TTC1: variants seen among roughly 807,000 people sequenced by gnomAD.
TTC1 encodes the protein tetratricopeptide repeat protein 1.
A neutral mutation model predicts 37.6 loss-of-function variants in TTC1; 31 were observed. The ratio of observed to expected loss-of-function variants is 0.82; its 90% CI spans 0.62 to 1.11. The LOEUF (loss-of-function observed/expected upper bound fraction) is 1.11, where lower values mean the gene tolerates loss of function less well. Among genes scored for constraint, TTC1 ranks in the 50% most tolerant of loss-of-function variants. The probability of loss-of-function intolerance (pLI) is 0.00; values close to 1 mark genes in which losing one functional copy is unlikely to be tolerated. For synonymous variants in TTC1, 127 were observed against 122.4 expected, an observed-to-expected ratio of 1.04 and a Z score of -0.25; for missense variants, 351 against 339.0, an observed-to-expected ratio of 1.04 and a Z score of -0.28.
At chr5:160,053,626 T>C (rs1183118868) in intron 7 of TTC1, among the ~76,000 whole-genome samples, 1 of 152,176 alleles carries the variant, frequency 6.6e-6, no homozygotes. Context: ...TTTTGTTCTT[T>C]TTATTCAGGA....
At chr5:160,059,282 T>C (rs1451026374) in intron 7 of TTC1, among the ~76,000 whole-genome samples, 1 of 152,266 alleles carries the variant, frequency 6.6e-6, no homozygotes, top group African/African-American at 2.4e-5. Flanking sequence ...GCAGCTTCTA[T>C]GTCAGCCTTT....
chr5:160,061,569 C>T (rs966756381), intron 7 of TTC1, among the ~76,000 whole-genome samples: 3 of 152,072 alleles, frequency 2.0e-5, no homozygotes, highest in Non-Finnish European at 2.9e-5. Flanking sequence ...AACGCAGAGA[C>T]TATTTATTTG....
intron 5 of TTC1, 71 bp from the exon 6 acceptor site, chr5:160,049,443 G>T: frequency 7.5e-7 from 1 of 1,324,920 alleles, no homozygotes. Context: ...ATTGATGAAG[G>T]AATCTGATAT....
At chr5:160,017,492 C>T (rs981973560) in intron 2 of TTC1, among the ~76,000 whole-genome samples, 1 of 152,158 alleles carries the variant, frequency 6.6e-6, no homozygotes, top group African/African-American at 2.4e-5. Context: ...CAAAAGGACG[C>T]ACCTCTTAAT....
chr5:160,026,124 A>T (rs1756799890), intron 2 of TTC1, among the ~76,000 whole-genome samples: 1 of 152,220 alleles, frequency 6.6e-6, no homozygotes, highest in African/African-American at 2.4e-5. Context: ...TAAAGGTTGC[A>T]AGCATACATT....
chr5:160,038,086 G>T (rs368894397), intron 4 of TTC1, among the ~76,000 whole-genome samples: 2 of 144,794 alleles, frequency 1.4e-5, no homozygotes, highest in East Asian at 2.0e-4. Flanking sequence ...AAAGGTTACG[G>T]TTTTTTTTTT....
At chr5:160,061,818 T>G (rs1365816506) in intron 7 of TTC1, 1 of 152,162 alleles carries the variant, frequency 6.6e-6, no homozygotes, top group Non-Finnish European at 1.5e-5. Flanking sequence ...TACAAGAGAT[T>G]TACTGGGGGA....
intron 4 of TTC1, among the ~76,000 whole-genome samples, chr5:160,040,928 C>A (rs933169754): frequency 1.3e-5 from 2 of 151,452 alleles, no homozygotes; most frequent in Non-Finnish European, 2.9e-5. Context: ...ATTCTATATA[C>A]TTTTTTCTAT....
chr5:160,018,799 A>G lies in TTC1; in HGVS notation c.330+7941A>G, dbSNP rs79197708. ...GACATGAATAGAACATTTGAGCCCA[A>G]TTAGGCTCTAATGCAGTAGCCCAGT... On this transcript the variant is annotated intron_variant, in intron 2 of 7. Transcript: ENST00000231238. Among the ~76,000 whole-genome samples, 26 of 152,348 alleles carry G rather than the reference A, an allele frequency of 1.7e-4. No individual in the cohort carries two copies. The East Asian group carries it at 5.0e-3, about 29-fold the overall frequency.
intron 7 of TTC1, among the ~76,000 whole-genome samples, chr5:160,059,962 G>A (rs146288181): frequency 6.6e-6 from 1 of 152,264 alleles, no homozygotes; most frequent in East Asian, 1.9e-4. Flanking sequence ...TATCTGTAAA[G>A]CACAAAAAGC....
At chr5:160,020,674 T>C (rs1311652800) in intron 2 of TTC1, among the ~76,000 whole-genome samples, 1 of 152,228 alleles carries the variant, frequency 6.6e-6, no homozygotes. Flanking sequence ...CTGTTGTGAA[T>C]TGCACATGCA....
intron 4 of TTC1, among the ~76,000 whole-genome samples, chr5:160,038,625 T>C (rs1391809184): frequency 6.6e-6 from 1 of 152,100 alleles, no homozygotes. Context: ...AATAGTTTTG[T>C]TGGTGAAGTT....
At chr5:160,030,977 C>T (rs1049942100) in intron 2 of TTC1, among the ~76,000 whole-genome samples, 2 of 152,146 alleles carry the variant, frequency 1.3e-5, no homozygotes, top group Non-Finnish European at 2.9e-5. Flanking sequence ...GCACCTAGCA[C>T]GCTAAGGAAG....
chr5:160,030,788 A>G (rs182611897), intron 2 of TTC1, among the ~76,000 whole-genome samples: 66 of 152,300 alleles, frequency 4.3e-4, no homozygotes, highest in Non-Finnish European at 5.1e-4. Flanking sequence ...AGTATAATTC[A>G]AGATCAGATG....
Position 160,035,146 on chromosome 5 carries a change from AGAG to A in TTC1, c.338_340del (p.Arg113_Glu114delinsLys). 1 of 1,598,390 alleles carries A rather than the reference AGAG, an allele frequency of 6.3e-7. No homozygotes were observed. Among genetic ancestry groups the A allele is most frequent in the Non-Finnish European group, 8.5e-7 (1 of 1,174,862 alleles). ...ATTCTCTGATGTCTTTCAGAAAAGA[AGAG>A]AAGAGAGCACTAGACTAAAGGAGGA... On this transcript the variant is annotated inframe_deletion, in exon 3 of 8. Coordinates refer to ENST00000231238, the MANE Select transcript of TTC1 (RefSeq NM_003314.3).
chr5:160,032,133 G>A (rs1331822783), intron 2 of TTC1, among the ~76,000 whole-genome samples: 1 of 152,134 alleles, frequency 6.6e-6, no homozygotes, highest in Non-Finnish European at 1.5e-5. Flanking sequence ...AGAATGATTG[G>A]TCTCCTAAAA....
chr5:160,026,101 A>G (rs1437755639), intron 2 of TTC1, among the ~76,000 whole-genome samples: 3 of 152,210 alleles, frequency 2.0e-5, no homozygotes, highest in African/African-American at 4.8e-5. Flanking sequence ...TCATTTTTAG[A>G]TACTTGGTTT....
At chr5:160,028,771 G>GC (rs376964145) in intron 2 of TTC1, among the ~76,000 whole-genome samples, 41 of 152,092 alleles carry the variant, frequency 2.7e-4, no homozygotes, top group African/African-American at 9.4e-4. Flanking sequence ...ACTGCCCCTG[G>GC]CCTGCCCAGT....
chr5:160,042,872 GGTCA>G (rs1366512023), intron 4 of TTC1, among the ~76,000 whole-genome samples: 1 of 152,180 alleles, frequency 6.6e-6, no homozygotes, highest in Non-Finnish European at 1.5e-5. Flanking sequence ...AAATGTAATA[GGTCA>G]GTTAGAACAA....
Sources: allele counts gnomAD v4.1 joint callset (sites outside exome capture counted in the v4.1 genomes callset), GRCh38; gene constraint gnomAD v4.1.1; transcripts MANE v1.5; gene names NCBI Gene and HGNC (gene_info 2026-07-23, HGNC 2026-07-21).